The following MYOM3 variants were observed in gnomAD, a reference collection of about 807,000 sequenced individuals.
MYOM3 encodes myomesin 3, also known as myomesin-3.
A neutral mutation model predicts 191.7 loss-of-function variants in MYOM3; 155 were observed. The observed-to-expected ratio is 0.81, with a 90% CI of 0.71 to 0.92. MYOM3 has a LOEUF of 0.92. Ranked by LOEUF, MYOM3 falls within the 40% of genes least tolerant of loss-of-function variation. MYOM3 has a pLI of 0.00. For synonymous variants in MYOM3, 757 were observed against 762.9 expected (o/e 0.99, Z 0.13); for missense variants, 1,889 against 1,890.6 (o/e 1.00, Z 0.02).
At chr1:24,086,563 G>C in intron 15 of MYOM3, 81 bp downstream of exon 15, 1 of 1,413,830 alleles carries the variant, frequency 7.1e-7, no homozygotes, top group South Asian at 1.3e-5. Flanking sequence ...AGGGAAGTGG[G>C]CAGGGCTTTG....
chr1:24,066,023 G>A (rs373298467), intron 28 of MYOM3, 22 bp from the exon 29 acceptor site: 2 of 1,492,688 alleles, frequency 1.3e-6, no homozygotes, highest in East Asian at 4.5e-5. Flanking sequence ...GGGGAATGAG[G>A]AGACTCTGTC....
chr1:24,076,388 C>T (rs1037350722), intron 20 of MYOM3, 115 bp from the exon 21 acceptor site: 11 of 695,106 alleles, frequency 1.6e-5, no homozygotes, highest in Non-Finnish European at 2.6e-5. Flanking sequence ...TTCTTGTGTC[C>T]CTCATCTTTC....
rs569331462 is a variant in MYOM3 at position 24,067,301 on chromosome 1, T to C, written c.3356-213A>G. 2.9e-3 allele frequency among the ~76,000 whole-genome samples: 357 copies of C among 124,600 alleles called. 8 individuals are homozygous for C. Among genetic ancestry groups the C allele is most frequent in the South Asian group, 0.019 (67 of 3,462 alleles). The allele number at this position is 124,600 out of a possible 152,430, so 81.7% of individuals were successfully genotyped here. A position where few individuals can be genotyped will look rare whatever the true frequency, so the allele number is the denominator to read the frequency against. ...CTTCCTTCCTTTCTTTCTTTCTTTC[T>C]TTCCTTCTTTCTTTCTTTCTTTCCT... On this transcript the variant is annotated intron_variant, in intron 27 of 36. Transcript: ENST00000374434.
intron 20 of MYOM3, among the ~76,000 whole-genome samples, chr1:24,077,592 T>C (rs1643617625): frequency 6.6e-6 from 1 of 152,216 alleles, no homozygotes; most frequent in African/African-American, 2.4e-5. Flanking sequence ...CCTTCTCCTT[T>C]GAGCGTCCAG....
chr1:24,105,033 G>A (rs1311386055), intron 5 of MYOM3, among the ~76,000 whole-genome samples: 1 of 152,178 alleles, frequency 6.6e-6, no homozygotes, highest in African/African-American at 2.4e-5. Context: ...CCTGGGCCGC[G>A]GCCATGCCTA....
chr1:24,076,674 C>T lies in MYOM3; in HGVS notation c.2587-401G>A, dbSNP rs371956334. Among the ~76,000 whole-genome samples the T allele has an allele frequency of 1.8e-4, 19 of 106,016 alleles. 3 individuals are homozygous for T. Among genetic ancestry groups the T allele is most frequent in the South Asian group, 1.3e-3 (5 of 3,922 alleles). 69.6% of individuals were successfully genotyped at this position (106,016 alleles called of 152,430 possible). A position where few individuals can be genotyped will look rare whatever the true frequency, so the allele number is the denominator to read the frequency against. ...GACTACAGGCGCCCGCCACTACGCC[C>T]GGCTAATTTTTTGTATTTTTAGTAG... On this transcript the variant is annotated intron_variant, in intron 20 of 36. Transcript: ENST00000374434.
intron 1 of MYOM3, 26 bp downstream of exon 1, chr1:24,112,005 C>A (rs971669547): frequency 1.3e-5 from 2 of 152,322 alleles, no homozygotes; most frequent in Non-Finnish European, 2.9e-5. Context: ...ATCCCTCCCC[C>A]ACCCTGATTT....
At position 24,063,638 on chromosome 1, in the gene MYOM3, AG is replaced by A. The variant is rs1353013926; in HGVS notation, c.3623-109del. 1 of 1,272,900 alleles carries A rather than the reference AG, an allele frequency of 7.9e-7. No homozygotes were observed. The highest frequency in any genetic ancestry group is 1.9e-5 in the Admixed American group (1 of 52,254). The allele number at this position is 1,272,900 out of a possible 1,614,324, so 78.9% of individuals were successfully genotyped here. ...CTGGTGGAGCCCGTGAGCTGCTCTC[AG>A]GGGGACAGGCAACTCTGTAGGATGA... On this transcript the variant is annotated intron_variant, in intron 30 of 36. Coordinates refer to ENST00000374434, the MANE Select transcript of MYOM3 (RefSeq NM_152372.4). The surrounding 1 kb of genome is among the most constrained non-coding windows in gnomAD (Gnocchi z 4.5).
chr1:24,060,944 G>T, intron 35 of MYOM3, 116 bp downstream of exon 35: 1 of 1,152,982 alleles, frequency 8.7e-7, no homozygotes, highest in Non-Finnish European at 1.3e-6. Flanking sequence ...AGACCCTAGA[G>T]CCCCACAGAC....
rs562745326 is a variant in MYOM3, at chr1:24,100,509, G to A, written c.561-734C>T. Among the ~76,000 whole-genome samples the A allele has an allele frequency of 3.7e-3, 557 of 152,014 alleles. 4 individuals are homozygous for A. The highest frequency in any genetic ancestry group is 6.3e-3 in the Non-Finnish European group (431 of 67,958). On this transcript the variant is annotated intron_variant, in intron 5 of 36. Coordinates refer to ENST00000374434, the MANE Select transcript of MYOM3 (RefSeq NM_152372.4). ...GGGGCTTGCCGTGGAAGGAACCCCA[G>A]ACCCCTGCCGCTCTTCCCAACCCCT...
At chr1:24,101,396 C>CG (rs151211826) in intron 5 of MYOM3, among the ~76,000 whole-genome samples, 18 of 152,218 alleles carry the variant, frequency 1.2e-4, no homozygotes, top group Middle Eastern at 3.4e-3. Context: ...ATCAGAATTT[C>CG]GGGGGGGTTA....
intron 28 of MYOM3, 170 bp downstream of exon 28, chr1:24,066,851 G>T: frequency 1.7e-6 from 1 of 595,718 alleles, no homozygotes; most frequent in South Asian, 2.5e-5. Flanking sequence ...AGGTGGGTTT[G>T]CTTTTTGGGT....
intron 21 of MYOM3, 26 bp downstream of exon 21, chr1:24,076,133 G>A (rs1383743285): frequency 6.3e-7 from 1 of 1,574,900 alleles, no homozygotes; most frequent in South Asian, 1.1e-5. Context: ...CAGTGGCAGA[G>A]CTCTGGCCTC....
intron 7 of MYOM3, among the ~76,000 whole-genome samples, chr1:24,096,999 A>G (rs899247342): frequency 7.2e-5 from 11 of 152,210 alleles, no homozygotes; most frequent in African/African-American, 2.4e-4. Flanking sequence ...GTGGCTTCCC[A>G]GATTTACACA....
intron 27 of MYOM3, among the ~76,000 whole-genome samples, chr1:24,067,301 T>TTCC (rs1557602279): frequency 1.2e-4 from 15 of 124,718 alleles, no homozygotes; most frequent in African/African-American, 5.1e-4. Context: ...TCTTTCTTTC[T>TTCC]TTCCTTCTTT....
chr1:24,062,880 C>T (rs953622124), intron 32 of MYOM3, among the ~76,000 whole-genome samples: 1 of 152,222 alleles, frequency 6.6e-6, no homozygotes, highest in East Asian at 1.9e-4. Flanking sequence ...AAGGTTCCCA[C>T]CTTCCCTGGG....
In MYOM3 at chr1:24,070,362, G is replaced by A. The variant is rs138902362; in HGVS notation, c.3150+755C>T. On this transcript the variant is annotated intron_variant, in intron 25 of 36. Coordinates refer to ENST00000374434, the MANE Select transcript of MYOM3 (RefSeq NM_152372.4). ...ACACTTTGGGAGGCTGAGGCAGGAG[G>A]ATTGCCTGAGTTCAGGAGTTTGCAG... Among the ~76,000 whole-genome samples, 873 of 152,118 alleles carry A rather than the reference G, an allele frequency of 5.7e-3. 6 individuals carry two copies. The highest frequency in any genetic ancestry group is 7.6e-3 in the Non-Finnish European group (520 of 67,996).
At position 24,108,621 on chromosome 1, in the gene MYOM3, T is replaced by C; in HGVS notation, c.16A>G (p.Ser6Gly). Residue 6 changes from serine (S) to glycine (G), a missense_variant, in exon 2 of 37, where the codon AGC (serine) becomes GGC (glycine). Ser to Gly is a moderately conservative substitution (Grantham distance 56). Transcript: ENST00000374434. ...CGGGGGTCCCCCGCACCTCCCAAGC[T>C]GTGCGGCAGAGTCATGGTTACGAGA... is the stretch of plus-strand genomic sequence containing the variant. The part of the protein sequence containing the change: MTLPH[S>G]LGGAGDPRPP... The C allele has an allele frequency of 6.4e-7, 1 of 1,561,338 alleles. No homozygotes were observed. The highest frequency in any genetic ancestry group is 8.7e-7 in the Non-Finnish European group (1 of 1,155,484).
At chr1:24,110,089 G>A (rs577820374) in intron 1 of MYOM3, among the ~76,000 whole-genome samples, 7 of 152,286 alleles carry the variant, frequency 4.6e-5, no homozygotes, top group South Asian at 2.1e-4. Context: ...TCTCATATCC[G>A]GGCTTCAGTC....
Sources: allele counts gnomAD v4.1 joint callset (sites outside exome capture counted in the v4.1 genomes callset), GRCh38; gene constraint gnomAD v4.1.1; non-coding constraint Gnocchi (gnomAD v3.1); transcripts MANE v1.5; gene names NCBI Gene and HGNC (gene_info 2026-07-23, HGNC 2026-07-21).